The following SPAG16 variants were observed in gnomAD, a reference collection of about 807,000 sequenced individuals.
SPAG16 encodes sperm-associated antigen 16 protein.
In SPAG16, 86 loss-of-function variants were observed where a neutral mutation model predicts 80.4. That is an observed-to-expected ratio of 1.07 (90% CI 0.90 to 1.28). The LOEUF (loss-of-function observed/expected upper bound fraction) is 1.28. SPAG16 is among the 50% of genes most tolerant of loss of function. The probability of loss-of-function intolerance (pLI) is 0.00; values close to 1 mark genes in which losing one functional copy is unlikely to be tolerated. For synonymous variants in SPAG16, 294 were observed against 265.9 expected, an observed-to-expected ratio of 1.11 and a Z score of -1.03; for missense variants, 870 against 765.3, an observed-to-expected ratio of 1.14 and a Z score of -1.61.
chr2:213,978,916 G>T (rs907040754), intron 12 of SPAG16, among the ~76,000 whole-genome samples: 1 of 151,986 alleles, frequency 6.6e-6, no homozygotes, highest in Non-Finnish European at 1.5e-5. Context: ...AGAAAAAAAC[G>T]ATAGGGCATT....
At chr2:214,121,569 A>C (rs1000017582) in intron 14 of SPAG16, among the ~76,000 whole-genome samples, 7 of 151,878 alleles carry the variant, frequency 4.6e-5, no homozygotes, top group African/African-American at 1.7e-4. Flanking sequence ...AGAATATTAG[A>C]TAATACATAC....
intron 9 of SPAG16, among the ~76,000 whole-genome samples, chr2:213,379,165 A>G (rs1489577556): frequency 2.0e-5 from 3 of 152,194 alleles, no homozygotes; most frequent in African/African-American, 7.2e-5. Flanking sequence ...GGGAACAGGA[A>G]GCAAGAATTT....
chr2:213,498,790 C>T (rs555009754), intron 10 of SPAG16, among the ~76,000 whole-genome samples: 3 of 152,212 alleles, frequency 2.0e-5, no homozygotes, highest in Admixed American at 6.5e-5. Context: ...GTCTTTTTAA[C>T]ATCCTCTTTA....
At chr2:213,319,342 T>C (rs939709901) in intron 5 of SPAG16, among the ~76,000 whole-genome samples, 1 of 151,932 alleles carries the variant, frequency 6.6e-6, no homozygotes, top group African/African-American at 2.4e-5. Context: ...GTAAATAATT[T>C]GTATGATATC....
At chr2:214,172,437 A>G (rs568142607) in intron 15 of SPAG16, among the ~76,000 whole-genome samples, 1 of 152,144 alleles carries the variant, frequency 6.6e-6, no homozygotes, top group East Asian at 1.9e-4. Flanking sequence ...ATCACGTTTT[A>G]TGGCTGCACT....
At chr2:213,726,585 G>A (rs1007869549) in intron 10 of SPAG16, among the ~76,000 whole-genome samples, 14 of 152,106 alleles carry the variant, frequency 9.2e-5, no homozygotes, top group South Asian at 2.1e-4. Flanking sequence ...GGAGCTCGCC[G>A]GTTTCTATCA....
chr2:213,987,811 A>AAT (rs997205917), intron 12 of SPAG16, among the ~76,000 whole-genome samples: 18 of 147,776 alleles, frequency 1.2e-4, no homozygotes, highest in East Asian at 3.9e-4. Flanking sequence ...TAAAATATAA[A>AAT]ATATATATAT....
chr2:213,844,724 A>C (rs1430967868), intron 10 of SPAG16, among the ~76,000 whole-genome samples: 1 of 152,238 alleles, frequency 6.6e-6, no homozygotes, highest in African/African-American at 2.4e-5. Context: ...AAATATTCAT[A>C]GTTATAGCCA....
At chr2:214,175,823 G>C (rs2057062175) in intron 15 of SPAG16, among the ~76,000 whole-genome samples, 1 of 151,298 alleles carries the variant, frequency 6.6e-6, no homozygotes, top group Admixed American at 6.6e-5. Context: ...GTAATTTGAT[G>C]GCCTTGAATA....
At position 213,472,470 on chromosome 2, in the gene SPAG16, C is replaced by T. The variant is rs565552493; in HGVS notation, c.943-17493C>T. Reference sequence around the variant, plus strand: ...AGGAATGTGGTGGGAATCACCACCCCTGTGTCTTTTGAGTCCTTGATGGTG... The same window carrying T: ...AGGAATGTGGTGGGAATCACCACCCTTGTGTCTTTTGAGTCCTTGATGGTG... On this transcript the variant is annotated intron_variant, in intron 9 of 15. Coordinates refer to ENST00000331683, the MANE Select transcript of SPAG16 (RefSeq NM_024532.5). Among the ~76,000 whole-genome samples the T allele has an allele frequency of 5.8e-4, 88 of 152,260 alleles. No individual in the cohort carries two copies. The South Asian group carries it at 0.016, about 28-fold the overall frequency.
At chr2:214,248,309 T>C (rs1019804235) in intron 15 of SPAG16, among the ~76,000 whole-genome samples, 4 of 106,826 alleles carry the variant, frequency 3.7e-5, no homozygotes, top group African/African-American at 1.5e-4. Flanking sequence ...TTATTATTAT[T>C]ATTATTATTA....
intron 15 of SPAG16, among the ~76,000 whole-genome samples, chr2:214,362,550 C>T (rs1245502347): frequency 6.6e-6 from 1 of 151,860 alleles, no homozygotes; most frequent in Non-Finnish European, 1.5e-5. Flanking sequence ...CTGACAATCT[C>T]GCATCCTCTC....
chr2:213,305,051 T>G (rs2062885420), intron 3 of SPAG16, among the ~76,000 whole-genome samples: 1 of 152,162 alleles, frequency 6.6e-6, no homozygotes, highest in Non-Finnish European at 1.5e-5. Context: ...TCGATTTCTT[T>G]CATCAGTATT....
intron 9 of SPAG16, among the ~76,000 whole-genome samples, chr2:213,419,497 C>T (rs1044412992): frequency 2.0e-5 from 3 of 152,070 alleles, no homozygotes; most frequent in Non-Finnish European, 2.9e-5. Context: ...GGATCACATG[C>T]TGAGATTTGT....
chr2:213,419,357 C>T lies in SPAG16; in HGVS notation c.942+44238C>T, dbSNP rs77637615. Among the ~76,000 whole-genome samples, 226 of 152,116 alleles carry T rather than the reference C, an allele frequency of 1.5e-3. 1 individual carries two copies. In the East Asian group the frequency reaches 0.024, roughly 16 times the overall value. ...TTTTCTTTACATTAAATATTTTAGC[C>T]GTTGCCCTTTCCACGCTCCTCATTA... On this transcript the variant is annotated intron_variant, in intron 9 of 15. Transcript: ENST00000331683.
At chr2:213,873,444 A>C (rs2076026158) in intron 11 of SPAG16, among the ~76,000 whole-genome samples, 1 of 151,754 alleles carries the variant, frequency 6.6e-6, no homozygotes, top group African/African-American at 2.4e-5. Flanking sequence ...GCTCTTTTCA[A>C]AAAATCAACT....
chr2:213,756,866 A>T (rs2068368543), intron 10 of SPAG16, among the ~76,000 whole-genome samples: 1 of 152,204 alleles, frequency 6.6e-6, no homozygotes, highest in South Asian at 2.1e-4. Context: ...GCTTTGAGGC[A>T]GTTGATAGTA....
chr2:213,551,057 C>T (rs1437482822), intron 10 of SPAG16, among the ~76,000 whole-genome samples: 2 of 152,080 alleles, frequency 1.3e-5, no homozygotes, highest in African/African-American at 4.8e-5. Context: ...CCGTAATAGT[C>T]AGAGATTTGG....
chr2:214,157,170 G>A (rs2056252611), intron 15 of SPAG16, among the ~76,000 whole-genome samples: 2 of 152,150 alleles, frequency 1.3e-5, no homozygotes, highest in African/African-American at 4.8e-5. Context: ...CTAATACCTG[G>A]AATGAGGTAT....
Sources: gnomAD v4.1 joint callset for allele counts (sites outside exome capture counted in the v4.1 genomes callset) on GRCh38, gnomAD v4.1.1 for gene constraint, MANE v1.5 for transcripts, NCBI Gene and HGNC (gene_info 2026-07-23, HGNC 2026-07-21) for gene names.